CDH10: variants seen among roughly 807,000 people sequenced by gnomAD.
The protein encoded by CDH10 is cadherin 10.
In CDH10, 30 loss-of-function variants were observed where a neutral mutation model predicts 73.1. That is an observed-to-expected ratio of 0.41 (90% confidence interval 0.31 to 0.56). The LOEUF is 0.56. Ranked by LOEUF, CDH10 falls within the 20% of genes least tolerant of loss-of-function variation. CDH10 has a pLI of 0.27. For synonymous variants in CDH10, 345 were observed against 348.2 expected, an observed-to-expected ratio of 0.99 and a Z score of 0.10; for missense variants, 815 against 973.7, an observed-to-expected ratio of 0.84 and a Z score of 2.17.
At chr5:24,641,703 A>G (rs573110384) in intron 1 of CDH10, among the ~76,000 whole-genome samples, 3 of 152,058 alleles carry the variant, frequency 2.0e-5, no homozygotes, top group Non-Finnish European at 1.5e-5. Context: ...CGCTTAATCA[A>G]TTTTACCATT....
chr5:24,540,846 G>T (rs78597377), intron 2 of CDH10, among the ~76,000 whole-genome samples: 1 of 151,872 alleles, frequency 6.6e-6, no homozygotes, highest in East Asian at 1.9e-4. Flanking sequence ...AATGAAAGAT[G>T]GTCTTTGAAA....
At chr5:24,497,232 T>A (rs1005478724) in intron 9 of CDH10, among the ~76,000 whole-genome samples, 1 of 152,198 alleles carries the variant, frequency 6.6e-6, no homozygotes, top group South Asian at 2.1e-4. Context: ...TGAAAAGATA[T>A]CTTTTGAAAA....
intron 1 of CDH10, among the ~76,000 whole-genome samples, chr5:24,598,619 C>A (rs1383846588): frequency 1.3e-5 from 2 of 150,450 alleles, no homozygotes; most frequent in Non-Finnish European, 3.0e-5. Flanking sequence ...AGACATTAAC[C>A]AAAAAGGCAA....
chr5:24,555,384 T>C (rs4601009), intron 2 of CDH10, among the ~76,000 whole-genome samples: 126,160 of 152,140 alleles, frequency 0.83, 52,362 homozygotes, highest in East Asian at 0.9. Flanking sequence ...AGCAGTAGCA[T>C]GGTAGCAGCT....
chr5:24,603,744 C>G (rs533892390), intron 1 of CDH10, among the ~76,000 whole-genome samples: 1 of 152,062 alleles, frequency 6.6e-6, no homozygotes, highest in South Asian at 2.1e-4. Flanking sequence ...ACGTTTCCCC[C>G]GTATATTCCG....
chr5:24,592,594 C>T lies in CDH10; in HGVS notation c.231+666G>A, dbSNP rs190796457. ...TATGTTAAGCTTCTCATTTCATTTCCAACCACAACTAATTATCCTCACTAA... is the reference window on the plus strand; with the variant it reads ...TATGTTAAGCTTCTCATTTCATTTCTAACCACAACTAATTATCCTCACTAA... On this transcript the variant is annotated intron_variant, in intron 2 of 11. Coordinates refer to ENST00000264463, the MANE Select transcript of CDH10 (RefSeq NM_006727.5). Among the ~76,000 whole-genome samples, 11 of 151,838 alleles carry T rather than the reference C, an allele frequency of 7.2e-5. No individual in the cohort carries two copies. In the East Asian group the frequency reaches 2.1e-3, roughly 29 times the overall value.
chr5:24,639,650 T>C (rs180719799), intron 1 of CDH10, among the ~76,000 whole-genome samples: 5 of 151,918 alleles, frequency 3.3e-5, no homozygotes, highest in African/African-American at 9.6e-5. Flanking sequence ...CATTTGCTCA[T>C]TATATACCAG....
Position 24,498,428 on chromosome 5 carries a change from A to G in CDH10, c.1485T>C (p.Thr495=). 1.2e-6 allele frequency: 2 copies of G among 1,606,522 alleles called. 1 individual carries two copies. Among genetic ancestry groups the G allele is most frequent in the South Asian group, 2.2e-5 (2 of 90,838 alleles). The change falls in exon 9 of 12, where the codon ACT becomes ACC. Residue 495 remains threonine, a synonymous_variant. Transcript: ENST00000264463. ...NAPQFAVFYD[T]FVCENARPGQ... ...CTGGTCTGGCATTTTCACATACAAA[A>G]GTGTCATAGAACACAGCAAACTGTG... is the stretch of plus-strand genomic sequence containing the variant.
chr5:24,517,653 T>A (rs959963671), intron 5 of CDH10, among the ~76,000 whole-genome samples: 1 of 152,174 alleles, frequency 6.6e-6, no homozygotes, highest in African/African-American at 2.4e-5. Flanking sequence ...GTGGATTATA[T>A]GTAAAGATAA....
intron 1 of CDH10, among the ~76,000 whole-genome samples, chr5:24,643,221 C>T (rs942167791): frequency 6.6e-6 from 1 of 152,068 alleles, no homozygotes; most frequent in African/African-American, 2.4e-5. Context: ...TAGCATTTAC[C>T]TGTGTTTCTA....
chr5:24,571,439 T>C (rs1242283819), intron 2 of CDH10, among the ~76,000 whole-genome samples: 1 of 152,076 alleles, frequency 6.6e-6, no homozygotes, highest in Non-Finnish European at 1.5e-5. Flanking sequence ...AGGGGTTATG[T>C]GACAAGAAAA....
intron 1 of CDH10, among the ~76,000 whole-genome samples, chr5:24,641,003 A>G (rs543707688): frequency 6.6e-6 from 1 of 152,148 alleles, no homozygotes; most frequent in Admixed American, 6.6e-5. Context: ...ATCATTGTTA[A>G]TATTTCATTA....
At chr5:24,550,867 T>C (rs371186909) in intron 2 of CDH10, among the ~76,000 whole-genome samples, 1 of 152,176 alleles carries the variant, frequency 6.6e-6, no homozygotes, top group African/African-American at 2.4e-5. Flanking sequence ...TCACTGCCTC[T>C]GCTGTTCCCA....
rs147474850 is a variant in CDH10 at position 24,596,677 on chromosome 5, C to A, written c.-123-3064G>T. On this transcript the variant is annotated intron_variant, in intron 1 of 11. Transcript: ENST00000264463. Reference sequence around the variant, plus strand: ...ATATTTCTAGTTGTTTTAATTTCAACCCTGATATGTAACTTCTTATATGTA... The same window carrying A: ...ATATTTCTAGTTGTTTTAATTTCAAACCTGATATGTAACTTCTTATATGTA... Among the ~76,000 whole-genome samples the A allele has an allele frequency of 0.012, 1,771 of 151,942 alleles. 89 individuals are homozygous for A. In the East Asian group the frequency reaches 0.13, roughly 12 times the overall value.
intron 1 of CDH10, among the ~76,000 whole-genome samples, chr5:24,604,743 A>G (rs1309801248): frequency 6.6e-6 from 1 of 151,928 alleles, no homozygotes; most frequent in Non-Finnish European, 1.5e-5. Context: ...GCGTGGTGGC[A>G]GGTGCCTTAA....
intron 3 of CDH10, 134 bp downstream of exon 3, chr5:24,537,246 G>T (rs1579776422): frequency 1.7e-6 from 1 of 592,132 alleles, no homozygotes; most frequent in African/African-American, 1.9e-5. Context: ...TCTCCTAAAA[G>T]AAAAAATAAA....
intron 2 of CDH10, among the ~76,000 whole-genome samples, chr5:24,554,513 T>C (rs200598695): frequency 0.54 from 63,578 of 117,562 alleles, 15,028 homozygotes; most frequent in East Asian, 0.73. Context: ...TGTGTGTGTG[T>C]GTGTGTGCAC....
chr5:24,518,987 T>C (rs1167451189), intron 5 of CDH10, among the ~76,000 whole-genome samples: 1 of 147,148 alleles, frequency 6.8e-6, no homozygotes, highest in Admixed American at 7.0e-5. Context: ...ACCTCCTGGG[T>C]TCAAGTGATT....
chr5:24,562,025 T>C (rs1744976017), intron 2 of CDH10, among the ~76,000 whole-genome samples: 1 of 152,172 alleles, frequency 6.6e-6, no homozygotes, highest in South Asian at 2.1e-4. Context: ...TTGTTGTTTC[T>C]AATTTGCTGG....
Sources: gnomAD v4.1 joint callset for allele counts (sites outside exome capture counted in the v4.1 genomes callset) on GRCh38, gnomAD v4.1.1 for gene constraint, MANE v1.5 for transcripts, NCBI Gene and HGNC (gene_info 2026-07-23, HGNC 2026-07-21) for gene names.